The following TSPEAR variants were observed in gnomAD, a reference collection of about 807,000 sequenced individuals.
TSPEAR encodes the protein thrombospondin type laminin G domain and EAR repeats, also known as thrombospondin-type laminin G domain and EAR repeat-containing protein.
TSPEAR carries 69 observed loss-of-function variants against 71.6 expected under a neutral mutation model. The ratio of observed to expected loss-of-function variants is 0.96; its 90% CI spans 0.79 to 1.18. TSPEAR has a LOEUF of 1.18. Among genes scored for constraint, TSPEAR ranks in the 50% most tolerant of loss-of-function variants. The pLI is 0.00. For synonymous variants in TSPEAR, 402 were observed against 387.2 expected, an observed-to-expected ratio of 1.04 and a Z score of -0.45; for missense variants, 971 against 894.9, an observed-to-expected ratio of 1.09 and a Z score of -1.09.
At chr21:44,629,434 T>A (rs1309399529) in intron 1 of TSPEAR, among the ~76,000 whole-genome samples, 1 of 152,178 alleles carries the variant, frequency 6.6e-6, no homozygotes, top group Non-Finnish European at 1.5e-5. Flanking sequence ...GGGCTGTCCC[T>A]CTGTGTGTGT....
chr21:44,700,391 C>T (rs940905525), intron 1 of TSPEAR, among the ~76,000 whole-genome samples: 1 of 152,270 alleles, frequency 6.6e-6, no homozygotes, highest in East Asian at 1.9e-4. Flanking sequence ...AGTCCCTCAG[C>T]CCATCCCTGC....
intron 2 of TSPEAR, chr21:44,539,548 G>A (rs587600458): frequency 5.3e-5 from 86 of 1,613,830 alleles, no homozygotes; most frequent in East Asian, 3.8e-4. Context: ...CAGAGCAGAC[G>A]GGCACACAGC....
intron 1 of TSPEAR, chr21:44,697,039 CT>C: frequency 7.6e-6 from 8 of 1,057,302 alleles, no homozygotes; most frequent in Non-Finnish European, 9.2e-6. Context: ...CACTCACTCC[CT>C]CCCTCCTGCC....
chr21:44,580,449 C>T, intron 1 of TSPEAR: 3 of 1,613,150 alleles, frequency 1.9e-6, no homozygotes, highest in Non-Finnish European at 1.7e-6. Flanking sequence ...ACACAGCTCA[C>T]TGGGGTGCAG....
At chr21:44,676,592 G>GT in intron 1 of TSPEAR, 1 of 730,502 alleles carries the variant, frequency 1.4e-6, no homozygotes, top group Non-Finnish European at 2.5e-6. Context: ...TGTTCCGAGA[G>GT]TTTCTCAGAC....
chr21:44,639,536 C>T (rs1555938088), intron 1 of TSPEAR, among the ~76,000 whole-genome samples: 1 of 151,756 alleles, frequency 6.6e-6, no homozygotes, highest in Admixed American at 6.6e-5. Flanking sequence ...GCCTTGTCCA[C>T]CTCCTTGGAA....
At chr21:44,702,224 C>A in intron 1 of TSPEAR, 1 of 1,595,510 alleles carries the variant, frequency 6.3e-7, no homozygotes, top group Non-Finnish European at 8.5e-7. Flanking sequence ...CCTCCCTGAG[C>A]CAGTGCTTCC....
At chr21:44,568,169 C>T (rs1302547469) in intron 1 of TSPEAR, among the ~76,000 whole-genome samples, 164 bp from the exon 2 acceptor site, 3 of 152,204 alleles carry the variant, frequency 2.0e-5, no homozygotes, top group Non-Finnish European at 4.4e-5. Context: ...GGTAAGGAAA[C>T]AGAGGCACCA....
chr21:44,620,754 T>A (rs192720564), intron 1 of TSPEAR, among the ~76,000 whole-genome samples: 1 of 152,364 alleles, frequency 6.6e-6, no homozygotes, highest in African/African-American at 2.4e-5. Flanking sequence ...AAAGTTAAAT[T>A]AATGATTTGA....
intron 1 of TSPEAR, chr21:44,579,553 CA>C: frequency 1.6e-6 from 1 of 636,104 alleles, no homozygotes; most frequent in South Asian, 2.0e-5. Context: ...GGAGGGAGGA[CA>C]GGGGACCCAA....
intron 1 of TSPEAR, chr21:44,580,583 G>A: frequency 6.2e-7 from 1 of 1,604,684 alleles, no homozygotes; most frequent in Non-Finnish European, 8.5e-7. Context: ...GGCCATGCTG[G>A]GGTGGGGAAG....
At chr21:44,544,498 T>C (rs1363733225) in intron 2 of TSPEAR, among the ~76,000 whole-genome samples, 2 of 152,168 alleles carry the variant, frequency 1.3e-5, no homozygotes, top group East Asian at 3.8e-4. Context: ...TAAATGAATC[T>C]AGGATTAAAA....
intron 1 of TSPEAR, chr21:44,677,690 C>T: frequency 1.4e-6 from 2 of 1,419,390 alleles, no homozygotes; most frequent in Non-Finnish European, 2.0e-6. Context: ...GAGTATCTCC[C>T]TTTTGTTTTT....
intron 2 of TSPEAR, among the ~76,000 whole-genome samples, 199 bp from the exon 3 acceptor site, chr21:44,534,122 G>A (rs1271587405): frequency 8.2e-6 from 1 of 121,416 alleles, no homozygotes; most frequent in Non-Finnish European, 1.7e-5. Flanking sequence ...TAATGGGGAG[G>A]GATGGGGTTG....
chr21:44,529,683 GA>G, intron 5 of TSPEAR, 114 bp downstream of exon 5: 1 of 1,192,074 alleles, frequency 8.4e-7, no homozygotes, highest in Non-Finnish European at 1.2e-6. Flanking sequence ...TAGCAGTGAT[GA>G]GGGGGGCAGG....
intron 1 of TSPEAR, chr21:44,591,241 G>C (rs916963305): frequency 6.5e-5 from 93 of 1,437,536 alleles, no homozygotes; most frequent in Admixed American, 2.8e-4. Flanking sequence ...CAGCATCTGG[G>C]AAGGACAGGG....
rs1982600860 is a variant in TSPEAR at position 44,623,809 on chromosome 21, A to G, written c.83-55804T>C. On this transcript the variant is annotated intron_variant, in intron 1 of 11. Transcript: ENST00000323084. The surrounding 1 kb of genome is among the most constrained non-coding windows in gnomAD (Gnocchi z 4.5). ...TGCTATTGTTGCTTCTTTAAAGGTA[A>G]TATTTCTTTTTTTTTCCCTTGGCTG... 6.6e-6 allele frequency among the ~76,000 whole-genome samples: 1 copy of G among 152,034 alleles called. No homozygotes were observed. The highest frequency in any genetic ancestry group is 2.4e-5 in the African/African-American group (1 of 41,388).
intron 1 of TSPEAR, among the ~76,000 whole-genome samples, chr21:44,632,881 A>G (rs2146211507): frequency 6.6e-6 from 1 of 152,292 alleles, no homozygotes; most frequent in African/African-American, 2.4e-5. Context: ...GAACACTAAT[A>G]AAGGTATCAG....
At chr21:44,629,935 A>G (rs1291949149) in intron 1 of TSPEAR, among the ~76,000 whole-genome samples, 1 of 152,168 alleles carries the variant, frequency 6.6e-6, no homozygotes, top group Non-Finnish European at 1.5e-5. Flanking sequence ...GAGACAGGCC[A>G]CACAGGGATG....
Sources: gnomAD v4.1 joint callset for allele counts (sites outside exome capture counted in the v4.1 genomes callset) on GRCh38, gnomAD v4.1.1 for gene constraint, Gnocchi (gnomAD v3.1) non-coding constraint, MANE v1.5 for transcripts, NCBI Gene and HGNC (gene_info 2026-07-23, HGNC 2026-07-21) for gene names.